Variants in OAS3 observed in about 807,000 individuals in gnomAD.
OAS3 encodes 2'-5'-oligoadenylate synthase 3.
Under a neutral mutation model 113.0 loss-of-function variants are expected in OAS3, and 107 were observed. The observed-to-expected ratio is 0.95, with a 90% CI of 0.81 to 1.11. OAS3 has a LOEUF of 1.11. Among genes scored for constraint, OAS3 ranks in the 50% most tolerant of loss-of-function variants. OAS3 has a pLI of 0.00. For missense variants in OAS3, 1,258 were observed against 1,389.1 expected, an observed-to-expected ratio of 0.91 and a Z score of 1.50; for synonymous variants, 552 against 573.6, an observed-to-expected ratio of 0.96 and a Z score of 0.54.
intron 4 of OAS3, 48 bp from the exon 5 acceptor site, chr12:112,947,898 C>T (rs375780932): frequency 6.6e-7 from 1 of 1,513,040 alleles, no homozygotes; most frequent in Non-Finnish European, 8.9e-7. Flanking sequence ...CGTTTCACTC[C>T]AGAGCCCTCT....
intron 2 of OAS3, among the ~76,000 whole-genome samples, chr12:112,942,776 ATTTC>A (rs1307157390): frequency 5.3e-5 from 8 of 150,104 alleles, no homozygotes; most frequent in African/African-American, 2.0e-4. Flanking sequence ...TATTATTATT[ATTTC>A]TATTATTGTT....
rs560011550 is a variant in OAS3 at position 112,948,126 on chromosome 12, G to A, written c.1029+27G>A. Reference sequence around the variant, plus strand: ...TAAGTGAGGGGGCCCCAGGACCCTTGGGTTTTGCACTTTGTTTATGTGTCC... The same window carrying A: ...TAAGTGAGGGGGCCCCAGGACCCTTAGGTTTTGCACTTTGTTTATGTGTCC... On this transcript the variant is annotated intron_variant, in intron 5 of 15. Transcript: ENST00000228928. 5 of 1,491,418 alleles carry A rather than the reference G, an allele frequency of 3.4e-6. No homozygotes were observed. In the African/African-American group the frequency reaches 7.1e-5, roughly 21 times the overall value. 92.4% of individuals were successfully genotyped at this position (1,491,418 alleles called of 1,614,324 possible). A position where few individuals can be genotyped will look rare whatever the true frequency, so the allele number is the denominator to read the frequency against.
In OAS3 at chr12:112,938,718, A is replaced by G; in HGVS notation, c.177+11A>G. 1 of 1,523,602 alleles carries G rather than the reference A, an allele frequency of 6.6e-7. No individual in the cohort carries two copies. Among genetic ancestry groups the G allele is most frequent in the Non-Finnish European group, 8.8e-7 (1 of 1,139,900 alleles). 94.4% of individuals were successfully genotyped at this position (1,523,602 alleles called of 1,614,324 possible). On this transcript the variant is annotated intron_variant, in intron 1 of 15. Coordinates refer to ENST00000228928, the MANE Select transcript of OAS3 (RefSeq NM_006187.4). ...CTGAAAACTGTCAAGGTGAGGTCCCACCTCGGGGTCTTTATGTGTCCAAAG... is the reference window on the plus strand; with the variant it reads ...CTGAAAACTGTCAAGGTGAGGTCCCGCCTCGGGGTCTTTATGTGTCCAAAG...
chr12:112,963,217 C>G lies in OAS3; in HGVS notation c.2085-96C>G, dbSNP rs140270023. The stretch of plus-strand genomic sequence containing the variant: ...CTGAGCCAACCCTGAGGTCCTGACA[C>G]TCTTTCCAGCCCTCACGCCCCTTTT... On this transcript the variant is annotated intron_variant, in intron 9 of 15. Transcript: ENST00000228928. The surrounding 1 kb of genome is among the most constrained non-coding windows in gnomAD (Gnocchi z 4.6). 6.6e-6 allele frequency: 9 copies of G among 1,372,320 alleles called. No individual in the cohort carries two copies. The highest frequency in any genetic ancestry group is 1.5e-5 in the African/African-American group (1 of 68,710). The allele number at this position is 1,372,320 out of a possible 1,614,324, so 85.0% of individuals were successfully genotyped here. A position where few individuals can be genotyped will look rare whatever the true frequency, so the allele number is the denominator to read the frequency against.
chr12:112,946,666 C>T, intron 3 of OAS3, 77 bp from the exon 4 acceptor site: 1 of 1,308,806 alleles, frequency 7.6e-7, no homozygotes, highest in Non-Finnish European at 1.1e-6. Context: ...GGAAGGTCCC[C>T]AGTCTGGTTA....
intron 1 of OAS3, among the ~76,000 whole-genome samples, chr12:112,939,996 T>C (rs1031856839): frequency 1.3e-5 from 2 of 152,200 alleles, no homozygotes; most frequent in Non-Finnish European, 2.9e-5. Flanking sequence ...GAGGGATTTC[T>C]GTGCAGCAAG....
intron 3 of OAS3, 63 bp from the exon 4 acceptor site, chr12:112,946,680 A>C: frequency 7.0e-7 from 1 of 1,429,916 alleles, no homozygotes; most frequent in Non-Finnish European, 9.6e-7. Flanking sequence ...CTGGTTATGC[A>C]GAGAGCTGGC....
intron 12 of OAS3, 97 bp from the exon 13 acceptor site, chr12:112,967,321 C>A: frequency 8.1e-7 from 1 of 1,228,430 alleles, no homozygotes; most frequent in Non-Finnish European, 1.1e-6. Context: ...CTTAGGAAAA[C>A]ACCCAAGAGG....
chr12:112,966,218 C>T lies in OAS3; in HGVS notation c.2689+189C>T, dbSNP rs556133547. Among the ~76,000 whole-genome samples, 4 of 152,276 alleles carry T rather than the reference C, an allele frequency of 2.6e-5. No individual in the cohort carries two copies. In the South Asian group the frequency reaches 6.2e-4, roughly 24 times the overall value. On this transcript the variant is annotated intron_variant, in intron 12 of 15. Transcript: ENST00000228928. ...GAAGAGGGCCCCTTTTTCTAATTTG[C>T]GCAGGCACTCTGTGGGCTAACAGTG...
In OAS3 at chr12:112,938,550, C is replaced by T. The variant is rs571230483; in HGVS notation, c.20C>T (p.Pro7Leu). 1.9e-6 allele frequency: 3 copies of T among 1,608,262 alleles called. No individual in the cohort carries two copies. Among genetic ancestry groups the T allele is most frequent in the Non-Finnish European group, 2.5e-6 (3 of 1,178,146 alleles). ...GCGGCCATGGACTTGTACAGCACCC[C>T]GGCCGCTGCGCTGGACAGGTTCGTG... MDLYST[P>L]AAALDRFVAR... Residue 7 changes from proline to leucine, a missense_variant, in exon 1 of 16, where the codon CCG (proline) becomes CTG (leucine). Pro to Leu is a moderately conservative substitution (Grantham distance 98). Transcript: ENST00000228928.
At chr12:112,940,402 G>A (rs1366079173) in intron 1 of OAS3, among the ~76,000 whole-genome samples, 1 of 152,154 alleles carries the variant, frequency 6.6e-6, no homozygotes, top group Non-Finnish European at 1.5e-5. Context: ...CACCATCTGA[G>A]CCTCACTCCC....
In OAS3 at chr12:112,938,670, T is replaced by C; in HGVS notation, c.140T>C (p.Leu47Pro). The C allele has an allele frequency of 6.3e-7, 1 of 1,586,176 alleles. No individual in the cohort carries two copies. The highest frequency in any genetic ancestry group is 8.6e-7 in the Non-Finnish European group (1 of 1,167,890). Reference sequence around the variant, plus strand: ...GCCCTGAGGGAGCGCGGGGGCCGCCTCGGTGCTGCTGCCCCGCGGGTGCTG... The same window carrying C: ...GCCCTGAGGGAGCGCGGGGGCCGCCCCGGTGCTGCTGCCCCGCGGGTGCTG... ...AAALRERGGR[L>P]GAAAPRVLKT... Residue 47 changes from leucine (L) to proline (P), a missense_variant, in exon 1 of 16, where the codon CTC becomes CCC. Leu to Pro is a moderately conservative substitution (Grantham distance 98, BLOSUM62 -3). Coordinates refer to ENST00000228928, the MANE Select transcript of OAS3 (RefSeq NM_006187.4).
chr12:112,967,723 A>G (rs1326309593), intron 13 of OAS3, 130 bp downstream of exon 13: 3 of 1,135,096 alleles, frequency 2.6e-6, no homozygotes, highest in Admixed American at 5.3e-5. Flanking sequence ...AAAGAGTGCT[A>G]TATCTCAGCT....
chr12:112,944,041 C>T (rs1215678389), intron 2 of OAS3, among the ~76,000 whole-genome samples: 1 of 152,124 alleles, frequency 6.6e-6, no homozygotes. Context: ...GGGCTTTTTG[C>T]CTTTTATTTC....
chr12:112,947,394 C>T (rs989066836), intron 4 of OAS3, among the ~76,000 whole-genome samples: 1 of 152,178 alleles, frequency 6.6e-6, no homozygotes, highest in Non-Finnish European at 1.5e-5. Context: ...TTTCTTAAAT[C>T]TTATTTAAAT....
intron 3 of OAS3, 144 bp downstream of exon 3, chr12:112,944,795 C>A: frequency 1.2e-6 from 1 of 864,804 alleles, no homozygotes; most frequent in South Asian, 1.5e-5. Context: ...GCATTATTTT[C>A]TCTTGGGTTA....
rs2044000719 is a variant in OAS3 at position 112,973,207 on chromosome 12, AT to A, written c.*3237del. The A allele has an allele frequency of 6.6e-6, 1 of 152,154 alleles. No individual in the cohort carries two copies. The highest frequency in any genetic ancestry group is 2.4e-5 in the African/African-American group (1 of 41,428). The allele number at this position is 152,154 out of a possible 1,614,324, so 9.4% of individuals were successfully genotyped here. A position where few individuals can be genotyped will look rare whatever the true frequency, so the allele number is the denominator to read the frequency against. ...CCTAGAAACCACCAATCTGCTGTGT[AT>A]TTCATCTATTGCCAACATTTCATAT... On this transcript the variant is annotated 3_prime_UTR_variant, in exon 16 of 16. Coordinates refer to ENST00000228928, the MANE Select transcript of OAS3 (RefSeq NM_006187.4).
At position 112,947,961 on chromosome 12, in the gene OAS3, C is replaced by T; in HGVS notation, c.891C>T (p.Asp297=). The T allele has an allele frequency of 1.3e-6, 2 of 1,597,836 alleles. No individual in the cohort carries two copies. The highest frequency in any genetic ancestry group is 1.7e-6 in the Non-Finnish European group (2 of 1,172,412). Reference sequence around the variant, plus strand: ...GAAATTGCAGGCCTGTGATCCTGGACCCAGCTGACCCCACATGGGACCTGG... The same window carrying T: ...GAAATTGCAGGCCTGTGATCCTGGATCCAGCTGACCCCACATGGGACCTGG... ...QLKRPRPVIL[D]PADPTWDLGN... is the part of the protein sequence containing the mutation. The change falls in exon 5 of 16, where the codon GAC becomes GAT. Residue 297 remains aspartate, a synonymous_variant. Coordinates refer to ENST00000228928, the MANE Select transcript of OAS3 (RefSeq NM_006187.4).
At chr12:112,946,634 C>A in intron 3 of OAS3, 109 bp from the exon 4 acceptor site, 1 of 902,176 alleles carries the variant, frequency 1.1e-6, no homozygotes, top group Non-Finnish European at 1.7e-6. Flanking sequence ...TGGAACACAG[C>A]ATCTTGCCTC....
Sources: allele counts gnomAD v4.1 joint callset (sites outside exome capture counted in the v4.1 genomes callset), GRCh38; gene constraint gnomAD v4.1.1; non-coding constraint Gnocchi (gnomAD v3.1); transcripts MANE v1.5; gene names NCBI Gene and HGNC (gene_info 2026-07-23, HGNC 2026-07-21).